Variants in CRTC3 observed in about 807,000 individuals in gnomAD.
CRTC3 encodes CREB regulated transcription coactivator 3.
In CRTC3, 26 loss-of-function variants were observed where a neutral mutation model predicts 74.5. That is an observed-to-expected ratio of 0.35 (90% CI 0.26 to 0.48). The LOEUF is 0.48. Ranked by LOEUF, CRTC3 falls within the 20% of genes least tolerant of loss-of-function variation. The pLI is 0.99. For missense variants in CRTC3, 760 were observed against 787.3 expected, an observed-to-expected ratio of 0.97 and a Z score of 0.41; for synonymous variants, 377 against 325.8, an observed-to-expected ratio of 1.16 and a Z score of -1.69.
chr15:90,642,061 G>C lies in CRTC3; in HGVS notation c.1781G>C (p.Gly594Ala). ...CAGATTGAACCCCTGAGCCTGGACG[G>C]ACTCAACATGTTAAGTGACTCCAGC... is the stretch of plus-strand genomic sequence containing the variant. The part of the protein sequence containing the change: ...ELQIEPLSLD[G>A]LNMLSDSSMG... Residue 594 changes from glycine to alanine, a missense_variant, in exon 15 of 15, where the codon GGA becomes GCA. By Grantham distance (60) the Gly-to-Ala change is moderately conservative. This residue lies in a region of CRTC3 where 652 missense variants were observed against 635.2 expected (regional missense o/e 1.03). Coordinates refer to ENST00000268184, the MANE Select transcript of CRTC3 (RefSeq NM_022769.5). 1 of 1,614,014 alleles carries C rather than the reference G, an allele frequency of 6.2e-7. No individual in the cohort carries two copies. The highest frequency in any genetic ancestry group is 8.5e-7 in the Non-Finnish European group (1 of 1,180,010).
Position 90,530,265 on chromosome 15 carries a change from G to C in CRTC3, c.132+62G>C. ...GGCCGCGGGCGGGACCCGCGCGGCG[G>C]GTGAGAGGTTGCGGGGCCAAGGCGA... On this transcript the variant is annotated intron_variant, in intron 1 of 14. Transcript: ENST00000268184. The surrounding 1 kb of genome is among the most constrained non-coding windows in gnomAD (Gnocchi z 6.2). 1 of 986,496 alleles carries C rather than the reference G, an allele frequency of 1.0e-6. No homozygotes were observed. 61.1% of individuals were successfully genotyped at this position (986,496 alleles called of 1,614,324 possible).
chr15:90,573,553 ATT>A (rs34392473), intron 2 of CRTC3, among the ~76,000 whole-genome samples: 221 of 150,582 alleles, frequency 1.5e-3, no homozygotes, highest in African/African-American at 4.3e-3. Flanking sequence ...GAGGGTTCCC[ATT>A]TTTTTTTTCC....
chr15:90,545,136 T>G (rs967863417), intron 2 of CRTC3, among the ~76,000 whole-genome samples: 2 of 152,232 alleles, frequency 1.3e-5, no homozygotes, highest in African/African-American at 4.8e-5. Flanking sequence ...CTTAGTATAA[T>G]GTCTTCAGGG....
chr15:90,556,995 T>C (rs1567164947), intron 2 of CRTC3, among the ~76,000 whole-genome samples: 2 of 141,646 alleles, frequency 1.4e-5, no homozygotes, highest in Non-Finnish European at 3.1e-5. Context: ...TATATATATA[T>C]ATATCTTTAT....
At chr15:90,561,153 A>G (rs1467130630) in intron 2 of CRTC3, among the ~76,000 whole-genome samples, 2 of 152,122 alleles carry the variant, frequency 1.3e-5, no homozygotes, top group African/African-American at 4.8e-5. Flanking sequence ...TATTGGGAGG[A>G]TTAAGTTAGG....
chr15:90,619,173 T>C (rs1035147872), intron 8 of CRTC3, among the ~76,000 whole-genome samples: 5 of 152,224 alleles, frequency 3.3e-5, no homozygotes, highest in African/African-American at 1.2e-4. Flanking sequence ...AAGCTCTATG[T>C]CGTCCAGACC....
At chr15:90,552,246 T>A (rs1052151946) in intron 2 of CRTC3, among the ~76,000 whole-genome samples, 1 of 152,206 alleles carries the variant, frequency 6.6e-6, no homozygotes, top group Non-Finnish European at 1.5e-5. Context: ...TGTCCAGTAC[T>A]GCGGCCCGAG....
intron 2 of CRTC3, among the ~76,000 whole-genome samples, chr15:90,576,520 G>A (rs767141825): frequency 1.3e-5 from 2 of 152,078 alleles, no homozygotes; most frequent in African/African-American, 4.8e-5. Flanking sequence ...GCTGTTGAAT[G>A]TATAAGTCTG....
rs1485332854 is a variant in CRTC3, at chr15:90,638,537, A to G, written c.1358A>G (p.Glu453Gly). 2 of 1,613,386 alleles carry G rather than the reference A, an allele frequency of 1.2e-6. No individual in the cohort carries two copies. The highest frequency in any genetic ancestry group is 1.1e-5 in the South Asian group (1 of 91,072). The stretch of plus-strand genomic sequence containing the variant: ...CCACCCCCTTACCCTGCACCCCAGG[A>G]GCTCACCCAGCCCCTCCTGCAGCAG... Reference protein sequence around the residue: ...SPPPPYPAPQELTQPLLQQPR... With the variant: ...SPPPPYPAPQGLTQPLLQQPR... The change falls in exon 12 of 15, where the codon GAG becomes GGG. Residue 453 changes from glutamate (E) to glycine (G), a missense_variant. Glu to Gly is a moderately conservative substitution (Grantham distance 98). Transcript: ENST00000268184.
intron 2 of CRTC3, among the ~76,000 whole-genome samples, chr15:90,546,235 G>A (rs1966844086): frequency 1.3e-5 from 2 of 152,260 alleles, no homozygotes; most frequent in Admixed American, 1.3e-4. Context: ...CAGGGTTTGG[G>A]TTTGAGGCTC....
Position 90,604,427 on chromosome 15 carries a change from G to A in CRTC3, c.456G>A (p.Arg152=). 6.2e-7 allele frequency: 1 copy of A among 1,613,776 alleles called. No homozygotes were observed. The highest frequency in any genetic ancestry group is 1.7e-5 in the Admixed American group (1 of 60,018). ...AAGACGAAAAGCATCCTGGGTTCAG[G>A]CTGACATCTGCACTTAACAGGTACA... ...PWKDEKHPGF[R]LTSALNRTNS... The change falls in exon 5 of 15, where the codon AGG becomes AGA. Residue 152 remains arginine (R), a synonymous_variant. Transcript: ENST00000268184.
chr15:90,637,429 A>G (rs1969280828), intron 11 of CRTC3, among the ~76,000 whole-genome samples: 1 of 152,228 alleles, frequency 6.6e-6, no homozygotes, highest in Non-Finnish European at 1.5e-5. Flanking sequence ...GGGGAGGGAT[A>G]GCATTGGGAG....
intron 2 of CRTC3, among the ~76,000 whole-genome samples, chr15:90,547,754 G>A (rs1356818392): frequency 6.6e-6 from 1 of 152,166 alleles, no homozygotes; most frequent in Non-Finnish European, 1.5e-5. Context: ...GCTTAGTGGA[G>A]GGATAGCATG....
At chr15:90,562,429 C>A (rs1333782256) in intron 2 of CRTC3, among the ~76,000 whole-genome samples, 2 of 152,156 alleles carry the variant, frequency 1.3e-5, no homozygotes, top group African/African-American at 4.8e-5. Flanking sequence ...GTTTATCTTT[C>A]TCGGGCCTTT....
At chr15:90,639,977 A>T (rs1969381216) in intron 13 of CRTC3, among the ~76,000 whole-genome samples, 1 of 151,966 alleles carries the variant, frequency 6.6e-6, no homozygotes, top group South Asian at 2.1e-4. Flanking sequence ...TGAAGCCGGG[A>T]GGCGGAGCTT....
chr15:90,558,291 T>C (rs1395240587), intron 2 of CRTC3, among the ~76,000 whole-genome samples: 1 of 151,994 alleles, frequency 6.6e-6, no homozygotes, highest in East Asian at 1.9e-4. Flanking sequence ...GGCAGAGGAG[T>C]CCTGTCTTCT....
At chr15:90,611,788 G>A (rs898076211) in intron 6 of CRTC3, among the ~76,000 whole-genome samples, 2 of 151,918 alleles carry the variant, frequency 1.3e-5, no homozygotes, top group South Asian at 2.1e-4. Context: ...TTTTCTAGTC[G>A]GCCTCCCTGC....
At chr15:90,633,242 T>C (rs1969109377) in intron 11 of CRTC3, among the ~76,000 whole-genome samples, 1 of 152,006 alleles carries the variant, frequency 6.6e-6, no homozygotes, top group African/African-American at 2.4e-5. Context: ...TATCTATATG[T>C]ATCTATGTGT....
At chr15:90,568,252 A>G (rs137950050) in intron 2 of CRTC3, among the ~76,000 whole-genome samples, 125 of 152,324 alleles carry the variant, frequency 8.2e-4, no homozygotes, top group African/African-American at 2.3e-3. Context: ...TAGAGATGGA[A>G]TCTACTCCTG....
Sources: allele counts gnomAD v4.1 joint callset (sites outside exome capture counted in the v4.1 genomes callset), GRCh38; gene constraint gnomAD v4.1.1; regional missense constraint gnomAD v4.1.1; non-coding constraint Gnocchi (gnomAD v3.1); transcripts MANE v1.5; gene names NCBI Gene and HGNC (gene_info 2026-07-23, HGNC 2026-07-21).